Variants in COL24A1 observed in about 807,000 individuals in gnomAD.
COL24A1 encodes collagen type XXIV alpha 1 chain, also known as collagen alpha-1(XXIV) chain.
COL24A1 carries 224 observed loss-of-function variants against 253.9 expected under a neutral mutation model. That is an observed-to-expected ratio of 0.88 (90% CI 0.79 to 0.99). The LOEUF is 0.99. Ranked by LOEUF, COL24A1 falls within the 50% of genes least tolerant of loss-of-function variation. The probability of loss-of-function intolerance (pLI) is 0.00; values close to 1 mark genes in which losing one functional copy is unlikely to be tolerated. For synonymous variants in COL24A1, 685 were observed against 673.7 expected (o/e 1.02, Z -0.26); for missense variants, 2,131 against 2,068.5 (o/e 1.03, Z -0.59).
intron 14 of COL24A1, among the ~76,000 whole-genome samples, chr1:86,025,916 T>C (rs1483303800): frequency 1.3e-5 from 2 of 152,206 alleles, no homozygotes; most frequent in Non-Finnish European, 2.9e-5. Context: ...GCTCCAAAAA[T>C]ATCTCCTTTG....
rs1685346915 is a variant in COL24A1, at chr1:85,911,365, T to C, written c.2616+15A>G. 2 of 1,606,902 alleles carry C rather than the reference T, an allele frequency of 1.2e-6. No individual in the cohort carries two copies. The highest frequency in any genetic ancestry group is 1.7e-6 in the Non-Finnish European group (2 of 1,175,508). On this transcript the variant is annotated intron_variant, in intron 25 of 59. Coordinates refer to ENST00000370571, the MANE Select transcript of COL24A1 (RefSeq NM_152890.7). ...GATTTCTTCCTATAAAACAAAATAA[T>C]TCTTAAAAAATTACCTTTTCGCCAA...
At chr1:86,078,927 T>C (rs1361901768) in intron 7 of COL24A1, among the ~76,000 whole-genome samples, 1 of 152,086 alleles carries the variant, frequency 6.6e-6, no homozygotes, top group African/African-American at 2.4e-5. Flanking sequence ...ATACCAGTAA[T>C]ATTCTTCATA....
chr1:85,811,510 C>T (rs1038276086), intron 47 of COL24A1, among the ~76,000 whole-genome samples: 4 of 152,304 alleles, frequency 2.6e-5, no homozygotes, highest in African/African-American at 7.2e-5. Context: ...TTCTGAGGAA[C>T]TACCATACTG....
At position 86,115,391 on chromosome 1, in the gene COL24A1, A is replaced by C; in HGVS notation, c.1492-13T>G. The C allele has an allele frequency of 1.2e-6, 2 of 1,612,978 alleles. No individual in the cohort carries two copies. The highest frequency in any genetic ancestry group is 1.7e-6 in the Non-Finnish European group (2 of 1,179,168). On this transcript the variant is annotated splice_polypyrimidine_tract_variant and intron_variant, in intron 3 of 59. Transcript: ENST00000370571. ...GACCAGGTGGACCCTTGGAAAACAA[A>C]TGTCAAGACATTAGGCATGATAGTG...
intron 18 of COL24A1, among the ~76,000 whole-genome samples, chr1:86,021,098 T>A (rs1272305220): frequency 2.0e-5 from 3 of 152,164 alleles, no homozygotes; most frequent in Admixed American, 2.0e-4. Context: ...AATTTAATAC[T>A]GCTTCCTGAG....
intron 5 of COL24A1, among the ~76,000 whole-genome samples, chr1:86,103,659 C>G (rs1480702775): frequency 6.6e-6 from 1 of 152,172 alleles, no homozygotes; most frequent in Non-Finnish European, 1.5e-5. Flanking sequence ...TGGCTGGATA[C>G]AAAATTCTTG....
At chr1:86,006,758 C>G (rs553108309) in intron 19 of COL24A1, among the ~76,000 whole-genome samples, 1 of 151,492 alleles carries the variant, frequency 6.6e-6, no homozygotes, top group East Asian at 1.9e-4. Flanking sequence ...GAACTGTTAC[C>G]CCAAATATAC....
chr1:85,848,191 G>A (rs1350021339), intron 38 of COL24A1, among the ~76,000 whole-genome samples: 4 of 152,148 alleles, frequency 2.6e-5, no homozygotes, highest in Non-Finnish European at 4.4e-5. Flanking sequence ...GTACATTCAG[G>A]ATCATCACTC....
chr1:85,819,911 G>A (rs1039845183), intron 45 of COL24A1, among the ~76,000 whole-genome samples: 16 of 145,310 alleles, frequency 1.1e-4, no homozygotes, highest in African/African-American at 1.8e-4. Context: ...ACAGTGTCAT[G>A]ATCTCGGCTC....
At chr1:86,140,956 T>C (rs6686002) in intron 2 of COL24A1, among the ~76,000 whole-genome samples, 2,455 of 152,318 alleles carry the variant, frequency 0.016, 23 homozygotes, top group Middle Eastern at 0.051. Context: ...TTAGCTGTGT[T>C]AAAATTTAAG....
Position 85,970,237 on chromosome 1 carries a change from A to G in COL24A1, c.2453T>C (p.Leu818Pro). 1 of 1,595,456 alleles carries G rather than the reference A, an allele frequency of 6.3e-7. No homozygotes were observed. The highest frequency in any genetic ancestry group is 8.5e-7 in the Non-Finnish European group (1 of 1,171,860). Residue 818 changes from leucine to proline, a missense_variant, in exon 22 of 60, where the codon CTG becomes CCG. Transcript: ENST00000370571. ...EEGPIGAFGE[L>P]GPRGKPGQKG... Reference sequence around the variant, plus strand: ...TTATATGATACCTACTCTTGGCCCCAGTTCCCCAAAGGCTCCAATTGGTCC... The same window carrying G: ...TTATATGATACCTACTCTTGGCCCCGGTTCCCCAAAGGCTCCAATTGGTCC...
At chr1:86,093,808 C>T (rs1703688474) in intron 5 of COL24A1, among the ~76,000 whole-genome samples, 1 of 151,750 alleles carries the variant, frequency 6.6e-6, no homozygotes, top group South Asian at 2.1e-4. Flanking sequence ...TACAAACAAC[C>T]CCATTAAAAA....
chr1:86,003,080 G>A (rs570365864), intron 19 of COL24A1, among the ~76,000 whole-genome samples: 17 of 152,260 alleles, frequency 1.1e-4, no homozygotes, highest in Non-Finnish European at 1.8e-4. Context: ...GATGCAGTAT[G>A]GAGCCTATGG....
At chr1:86,094,045 T>C (rs1345064477) in intron 5 of COL24A1, among the ~76,000 whole-genome samples, 6 of 152,006 alleles carry the variant, frequency 3.9e-5, no homozygotes, top group Non-Finnish European at 7.4e-5. Flanking sequence ...TTGGTGGGAG[T>C]ATAAATCAGT....
chr1:85,833,669 A>T (rs1363176392), intron 43 of COL24A1, among the ~76,000 whole-genome samples: 1 of 152,182 alleles, frequency 6.6e-6, no homozygotes, highest in Non-Finnish European at 1.5e-5. Flanking sequence ...ATGCACACGT[A>T]TGTTTATTGT....
chr1:86,014,075 G>A (rs1696781387), intron 19 of COL24A1, among the ~76,000 whole-genome samples: 1 of 152,116 alleles, frequency 6.6e-6, no homozygotes, highest in Non-Finnish European at 1.5e-5. Flanking sequence ...AATCCCTACA[G>A]TTATGCTGTG....
Position 86,046,824 on chromosome 1 carries a change from C to T in COL24A1, c.1950+1G>A. On this transcript the variant is annotated splice_donor_variant, in intron 12 of 59. Transcript: ENST00000370571. LOFTEE classifies it high-confidence loss of function. ...ACCTCAAAAAACACAAATTAAGATA[C>T]CTGTCTCCCCTTAAAACCCTTCTTT... The T allele has an allele frequency of 6.2e-7, 1 of 1,611,632 alleles. No individual in the cohort carries two copies. The highest frequency in any genetic ancestry group is 8.5e-7 in the Non-Finnish European group (1 of 1,178,120).
rs1018501831 is a variant in COL24A1 at position 86,112,112 on chromosome 1, T to G, written c.1599+455A>C. 1.2e-4 allele frequency among the ~76,000 whole-genome samples: 19 copies of G among 152,336 alleles called. 2 individuals carry two copies. The highest frequency in any genetic ancestry group is 5.2e-4 in the Admixed American group (8 of 15,306). On this transcript the variant is annotated intron_variant, in intron 5 of 59. Coordinates refer to ENST00000370571, the MANE Select transcript of COL24A1 (RefSeq NM_152890.7). ...TATATAGATTTTCAGGTTAGTTGTT[T>G]TCATAAACATTTGTTCATTCTTTAA...
intron 24 of COL24A1, among the ~76,000 whole-genome samples, chr1:85,912,892 G>A (rs1469722116): frequency 6.6e-6 from 1 of 152,102 alleles, no homozygotes; most frequent in East Asian, 1.9e-4. Flanking sequence ...CATCGATTAC[G>A]TATTAAAATG....
Sources: allele counts gnomAD v4.1 joint callset (sites outside exome capture counted in the v4.1 genomes callset), GRCh38; gene constraint gnomAD v4.1.1; transcripts MANE v1.5; gene names NCBI Gene and HGNC (gene_info 2026-07-23, HGNC 2026-07-21).